OSBPL8: variants seen among roughly 807,000 people sequenced by gnomAD.
The protein encoded by OSBPL8 is oxysterol-binding protein-related protein 8.
In OSBPL8, 59 loss-of-function variants were observed where a neutral mutation model predicts 125.5. That is an observed-to-expected ratio of 0.47 (90% CI 0.38 to 0.58). The LOEUF (loss-of-function observed/expected upper bound fraction) is 0.58. Ranked by LOEUF, OSBPL8 falls within the 20% of genes least tolerant of loss-of-function variation. The pLI is 0.00. For synonymous variants in OSBPL8, 330 were observed against 338.9 expected (o/e 0.97, Z 0.29); for missense variants, 758 against 1,047.8 (o/e 0.72, Z 3.82).
intron 21 of OSBPL8, among the ~76,000 whole-genome samples, chr12:76,367,489 T>C (rs569180194): frequency 1.3e-5 from 2 of 152,282 alleles, no homozygotes; most frequent in East Asian, 3.9e-4. Context: ...CAGCAAATAG[T>C]TGGGTCATGT....
chr12:76,471,127 T>C (rs1355971105), intron 2 of OSBPL8, among the ~76,000 whole-genome samples: 1 of 152,188 alleles, frequency 6.6e-6, no homozygotes, highest in African/African-American at 2.4e-5. Flanking sequence ...TCTGGCTAAC[T>C]GACTTTATGC....
At chr12:76,368,201 A>C (rs1415009767) in intron 21 of OSBPL8, among the ~76,000 whole-genome samples, 1 of 152,130 alleles carries the variant, frequency 6.6e-6, no homozygotes, top group Admixed American at 6.5e-5. Context: ...TTGATTGACA[A>C]GTTTTTGCTT....
chr12:76,467,290 C>T (rs982665856), intron 2 of OSBPL8, among the ~76,000 whole-genome samples: 5 of 152,142 alleles, frequency 3.3e-5, no homozygotes, highest in African/African-American at 1.2e-4. Flanking sequence ...CTTCCTCTAC[C>T]TGCTCTTTTC....
At chr12:76,397,607 G>T in intron 8 of OSBPL8, 87 bp downstream of exon 8, 1 of 1,287,554 alleles carries the variant, frequency 7.8e-7, no homozygotes, top group Non-Finnish European at 1.1e-6. Flanking sequence ...TCCTGGCAGA[G>T]GACTAAACTC....
In OSBPL8 at chr12:76,390,303, T is replaced by C. The variant is rs1953503237; in HGVS notation, c.1167+117A>G. 5 of 745,530 alleles carry C rather than the reference T, an allele frequency of 6.7e-6. 1 individual carries two copies. Among genetic ancestry groups the C allele is most frequent in the African/African-American group, 1.8e-5 (1 of 56,888 alleles). The allele number at this position is 745,530 out of a possible 1,614,324, so 46.2% of individuals were successfully genotyped here. On this transcript the variant is annotated intron_variant, in intron 11 of 23. Transcript: ENST00000261183. ...TTTCATATGTATGCAATTTTTAAAATATCACATTCTATCACAGAAAAATAG... is the reference window on the plus strand; with the variant it reads ...TTTCATATGTATGCAATTTTTAAAACATCACATTCTATCACAGAAAAATAG...
chr12:76,465,680 C>T (rs1411824235), intron 2 of OSBPL8, among the ~76,000 whole-genome samples: 1 of 152,078 alleles, frequency 6.6e-6, no homozygotes, highest in Non-Finnish European at 1.5e-5. Flanking sequence ...AATACCTTCA[C>T]ACAATGAAAT....
At chr12:76,455,922 T>A (rs1486077504) in intron 3 of OSBPL8, among the ~76,000 whole-genome samples, 2 of 152,214 alleles carry the variant, frequency 1.3e-5, no homozygotes, top group Non-Finnish European at 2.9e-5. Context: ...CTACCAAAGA[T>A]AACATTACAG....
At chr12:76,520,481 C>G (rs1195265765) in intron 1 of OSBPL8, among the ~76,000 whole-genome samples, 1 of 152,158 alleles carries the variant, frequency 6.6e-6, no homozygotes, top group Non-Finnish European at 1.5e-5. Flanking sequence ...AAGTGTACAA[C>G]ACACACATGA....
intron 4 of OSBPL8, among the ~76,000 whole-genome samples, chr12:76,435,171 T>TGTGTGTGTGTGTGTGC (rs1871303030): frequency 6.6e-6 from 1 of 151,926 alleles, no homozygotes; most frequent in Non-Finnish European, 1.5e-5. Context: ...TGTGTGTGTG[T>TGTGTGTGTGTGTGTGC]GTGTGTGTGT....
At chr12:76,517,617 T>C (rs1881679597) in intron 1 of OSBPL8, among the ~76,000 whole-genome samples, 1 of 152,208 alleles carries the variant, frequency 6.6e-6, no homozygotes, top group Admixed American at 6.5e-5. Context: ...CAGTTTTGCA[T>C]TGCTATGAAG....
chr12:76,373,602 A>G (rs887286396), intron 17 of OSBPL8, 169 bp from the exon 18 acceptor site: 1 of 477,286 alleles, frequency 2.1e-6, no homozygotes, highest in Non-Finnish European at 3.7e-6. Flanking sequence ...GTTTAATAAG[A>G]AATCTGAATT....
At chr12:76,540,797 T>C (rs1307340268) in intron 1 of OSBPL8, among the ~76,000 whole-genome samples, 1 of 152,142 alleles carries the variant, frequency 6.6e-6, no homozygotes, top group East Asian at 1.9e-4. Flanking sequence ...AATATATTAT[T>C]TGTAATTGAG....
At chr12:76,361,444 T>C (rs1952202011) in intron 21 of OSBPL8, among the ~76,000 whole-genome samples, 1 of 152,212 alleles carries the variant, frequency 6.6e-6, no homozygotes, top group African/African-American at 2.4e-5. Flanking sequence ...TCCCACATTT[T>C]CCTGTCTTCT....
intron 21 of OSBPL8, among the ~76,000 whole-genome samples, chr12:76,360,471 G>A (rs1433964112): frequency 1.3e-5 from 2 of 152,186 alleles, no homozygotes; most frequent in Non-Finnish European, 2.9e-5. Flanking sequence ...TTTTCCAGGT[G>A]CACAGTGCAA....
intron 21 of OSBPL8, among the ~76,000 whole-genome samples, chr12:76,360,209 T>C (rs1239172458): frequency 2.0e-5 from 3 of 152,208 alleles, no homozygotes; most frequent in Non-Finnish European, 2.9e-5. Context: ...AATACAACTG[T>C]TCCAAATGGG....
At chr12:76,489,215 CAAGTGCTACTTGGAGA>C (rs1309824420) in intron 1 of OSBPL8, among the ~76,000 whole-genome samples, 18 of 152,214 alleles carry the variant, frequency 1.2e-4, no homozygotes, top group African/African-American at 4.3e-4. Flanking sequence ...GGTGAAGTAG[CAAGTGCTACTTGGAGA>C]AACTGCAGTA....
rs2136108173 is a variant in OSBPL8 at position 76,354,648 on chromosome 12, T to G, written c.*1241A>C. 6.6e-6 allele frequency: 1 copy of G among 151,974 alleles called. No homozygotes were observed. The highest frequency in any genetic ancestry group is 2.1e-4 in the South Asian group (1 of 4,818). The allele number at this position is 151,974 out of a possible 1,614,324, so 9.4% of individuals were successfully genotyped here. A position where few individuals can be genotyped will look rare whatever the true frequency, so the allele number is the denominator to read the frequency against. On this transcript the variant is annotated 3_prime_UTR_variant, in exon 24 of 24. Transcript: ENST00000261183. ...AATTGCTTTCAAGGAATATAAATAT[T>G]TACGTAAAAACACAAAATCAAAATA...
At chr12:76,534,414 C>G (rs1950435105) in intron 1 of OSBPL8, 1 of 152,248 alleles carries the variant, frequency 6.6e-6, no homozygotes, top group African/African-American at 2.4e-5. Flanking sequence ...GTTGCTGCAA[C>G]CCCAATTTAC....
chr12:76,436,523 A>G (rs1209671244), intron 4 of OSBPL8, among the ~76,000 whole-genome samples: 1 of 152,094 alleles, frequency 6.6e-6, no homozygotes, highest in Non-Finnish European at 1.5e-5. Flanking sequence ...TCAAAAAAAA[A>G]AGAAAACAAA....
Sources: allele counts gnomAD v4.1 joint callset (sites outside exome capture counted in the v4.1 genomes callset), GRCh38; gene constraint gnomAD v4.1.1; transcripts MANE v1.5; gene names NCBI Gene and HGNC (gene_info 2026-07-23, HGNC 2026-07-21).